The following GLIS1 variants were observed in gnomAD, a reference collection of about 807,000 sequenced individuals.
GLIS1 encodes zinc finger protein GLIS1.
In GLIS1, 24 loss-of-function variants were observed where a neutral mutation model predicts 63.8. The ratio of observed to expected loss-of-function variants is 0.38; its 90% CI spans 0.27 to 0.53. GLIS1 has a LOEUF of 0.53. GLIS1 is among the 20% of genes least tolerant of loss of function. The pLI is 0.85. For missense variants in GLIS1, 1,036 were observed against 1,074.1 expected (o/e 0.96, Z 0.50); for synonymous variants, 450 against 482.5 (o/e 0.93, Z 0.88).
At chr1:53,698,899 T>C (rs1646494716) in intron 2 of GLIS1, among the ~76,000 whole-genome samples, 1 of 152,138 alleles carries the variant, frequency 6.6e-6, no homozygotes, top group South Asian at 2.1e-4. Flanking sequence ...GAAATGGGAT[T>C]GGAGACTGAA....
At chr1:53,698,119 A>G (rs951288860) in intron 2 of GLIS1, among the ~76,000 whole-genome samples, 8 of 140,408 alleles carry the variant, frequency 5.7e-5, no homozygotes, top group Non-Finnish European at 1.0e-4. Flanking sequence ...AACAAACAGG[A>G]AACAATTAAA....
chr1:53,638,910 C>T (rs1409573433), intron 2 of GLIS1, among the ~76,000 whole-genome samples: 2 of 152,130 alleles, frequency 1.3e-5, no homozygotes, highest in African/African-American at 4.8e-5. Flanking sequence ...AGGTTTCAGA[C>T]AATCACAGTC....
chr1:53,528,161 A>T (rs923484949), intron 5 of GLIS1, among the ~76,000 whole-genome samples: 3 of 152,166 alleles, frequency 2.0e-5, no homozygotes, highest in African/African-American at 7.2e-5. Flanking sequence ...TGGGCTGAAA[A>T]GGTGACAAAG....
chr1:53,510,080 C>CAG (rs1411092416), intron 8 of GLIS1, 53 bp from the exon 9 acceptor site: 2 of 1,098,010 alleles, frequency 1.8e-6, no homozygotes, highest in Admixed American at 4.2e-5. Flanking sequence ...GGGTGGGGGC[C>CAG]AGAGGCAGGG....
At chr1:53,611,425 C>T (rs933761381) in intron 2 of GLIS1, among the ~76,000 whole-genome samples, 2 of 152,190 alleles carry the variant, frequency 1.3e-5, no homozygotes, top group African/African-American at 4.8e-5. Flanking sequence ...TCTGATAACA[C>T]CAACATCTGG....
intron 4 of GLIS1, among the ~76,000 whole-genome samples, chr1:53,559,628 A>G (rs1448291150): frequency 1.3e-5 from 2 of 152,068 alleles, no homozygotes; most frequent in East Asian, 1.9e-4. Context: ...AGCCGCTGCA[A>G]TGCGGGACAG....
intron 2 of GLIS1, among the ~76,000 whole-genome samples, chr1:53,605,803 C>A (rs965298319): frequency 3.3e-5 from 5 of 152,178 alleles, no homozygotes; most frequent in Non-Finnish European, 5.9e-5. Context: ...ACACCTGGGC[C>A]CCCCAGGCAT....
Position 53,671,869 on chromosome 1 carries a change from C to G in GLIS1, c.259+65937G>C, listed in dbSNP as rs142598013. On this transcript the variant is annotated intron_variant, in intron 2 of 10. Transcript: ENST00000628545. ...GGTTAAGGCCAAGCAGGGATTCAAA[C>G]CCAGATCTACCCAACTCCAAAGCTC... is the stretch of plus-strand genomic sequence containing the variant. 4.7e-3 allele frequency among the ~76,000 whole-genome samples: 721 copies of G among 152,300 alleles called. 17 individuals carry two copies. The highest frequency in any genetic ancestry group is 0.027 in the East Asian group (140 of 5,186).
At position 53,612,706 on chromosome 1, in the gene GLIS1, G is replaced by A. The variant is rs1645437885; in HGVS notation, c.260-12428C>T. On this transcript the variant is annotated intron_variant, in intron 2 of 10. Coordinates refer to ENST00000628545, the MANE Select transcript of GLIS1 (RefSeq NM_001367484.1). ...CTTGGCCCCACATTACCTACAGATT[G>A]GCTAATGCCTGAAAGGAAGAAGAGG... 2.0e-5 allele frequency among the ~76,000 whole-genome samples: 3 copies of A among 152,130 alleles called. 1 individual carries two copies. The South Asian group carries it at 6.2e-4, about 32-fold the overall frequency.
intron 4 of GLIS1, among the ~76,000 whole-genome samples, chr1:53,563,466 A>G (rs1388924676): frequency 6.6e-6 from 1 of 152,226 alleles, no homozygotes; most frequent in Non-Finnish European, 1.5e-5. Context: ...TTGTTTAAAC[A>G]TTTTTAATTT....
At chr1:53,717,267 T>A (rs1646709598) in intron 2 of GLIS1, among the ~76,000 whole-genome samples, 1 of 152,204 alleles carries the variant, frequency 6.6e-6, no homozygotes, top group Non-Finnish European at 1.5e-5. Context: ...GATGTGAGGA[T>A]GAATTAATCC....
intron 3 of GLIS1, among the ~76,000 whole-genome samples, chr1:53,597,444 G>A (rs1049493401): frequency 2.0e-5 from 3 of 151,348 alleles, no homozygotes; most frequent in Admixed American, 6.6e-5. Flanking sequence ...TTTATTAGCC[G>A]TAGGATCTGG....
At chr1:53,669,852 A>G (rs1646133516) in intron 2 of GLIS1, among the ~76,000 whole-genome samples, 1 of 152,184 alleles carries the variant, frequency 6.6e-6, no homozygotes. Flanking sequence ...GAACTGAAGA[A>G]ATCATGCATC....
intron 4 of GLIS1, among the ~76,000 whole-genome samples, chr1:53,543,427 G>T (rs1402568074): frequency 1.3e-5 from 2 of 152,202 alleles, no homozygotes; most frequent in African/African-American, 4.8e-5. Flanking sequence ...GCTCCCAGAG[G>T]GCCTGAGCCC....
chr1:53,603,957 T>C (rs945895935), intron 2 of GLIS1, among the ~76,000 whole-genome samples: 1 of 152,240 alleles, frequency 6.6e-6, no homozygotes, highest in South Asian at 2.1e-4. Context: ...AGCAAATCCA[T>C]AGCAGGGCCT....
intron 9 of GLIS1, among the ~76,000 whole-genome samples, chr1:53,509,518 G>A (rs1294864715): frequency 6.6e-6 from 1 of 152,112 alleles, no homozygotes; most frequent in African/African-American, 2.4e-5. Flanking sequence ...ATGGTCTCAC[G>A]TGGCTGCTCC....
chr1:53,633,660 T>C (rs1467725460), intron 2 of GLIS1, among the ~76,000 whole-genome samples: 1 of 152,084 alleles, frequency 6.6e-6, no homozygotes, highest in African/African-American at 2.4e-5. Context: ...GTCTCAACAC[T>C]GCGTGTGTCA....
chr1:53,661,062 A>G (rs763640981), intron 2 of GLIS1, among the ~76,000 whole-genome samples: 1 of 152,250 alleles, frequency 6.6e-6, no homozygotes, highest in Non-Finnish European at 1.5e-5. Context: ...CAAGATAGAC[A>G]CATATACACA....
chr1:53,595,614 G>A (rs969192837), intron 3 of GLIS1, among the ~76,000 whole-genome samples: 11 of 152,268 alleles, frequency 7.2e-5, no homozygotes, highest in African/African-American at 2.6e-4. Context: ...CTCCCTCTCC[G>A]TGGCCTTCTA....
Sources: allele counts gnomAD v4.1 joint callset (sites outside exome capture counted in the v4.1 genomes callset), GRCh38; gene constraint gnomAD v4.1.1; transcripts MANE v1.5; gene names NCBI Gene and HGNC (gene_info 2026-07-23, HGNC 2026-07-21).